The following RARB variants were observed in gnomAD, a reference collection of about 807,000 sequenced individuals.
The protein encoded by RARB is retinoic acid receptor beta, also known as HBV-activated protein.
RARB carries 17 observed loss-of-function variants against 51.9 expected under a neutral mutation model. That is an observed-to-expected ratio of 0.33 (90% CI 0.22 to 0.49). RARB has a LOEUF of 0.49. Among genes scored for constraint, RARB ranks in the 20% least tolerant of loss-of-function variants. The pLI, the probability that RARB is intolerant of heterozygous loss-of-function variation, is 0.99. For synonymous variants in RARB, 215 were observed against 195.4 expected (o/e 1.10, Z -0.84); for missense variants, 369 against 550.8 (o/e 0.67, Z 3.30).
chr3:24,889,675 AGTGTGTGTGTGTGTGTGTGTGT>A (rs71057686), intron 2 of RARB, among the ~76,000 whole-genome samples: 1 of 142,868 alleles, frequency 7.0e-6, no homozygotes, highest in Non-Finnish European at 1.5e-5. Flanking sequence ...CACCTCTTAA[AGTGTGTGTGTGTGTGTGTGTGT>A]GTGTGTGTGT....
intron 2 of RARB, among the ~76,000 whole-genome samples, chr3:24,950,883 C>T (rs1695876249): frequency 6.6e-6 from 1 of 152,152 alleles, no homozygotes; most frequent in Admixed American, 6.5e-5. Context: ...AGAAATGCAA[C>T]TACCTCCACC....
At chr3:25,059,037 C>T (rs1271656419) in intron 2 of RARB, among the ~76,000 whole-genome samples, 2 of 151,476 alleles carry the variant, frequency 1.3e-5, no homozygotes, top group Admixed American at 6.6e-5. Context: ...CTTTCTAACA[C>T]ATGCATAAAT....
chr3:25,263,572 A>G (rs994035265), intron 5 of RARB, among the ~76,000 whole-genome samples: 5 of 152,286 alleles, frequency 3.3e-5, no homozygotes, highest in Admixed American at 2.0e-4. Flanking sequence ...ACTCCATCTG[A>G]GATTTTTCAG....
intron 2 of RARB, among the ~76,000 whole-genome samples, chr3:25,008,272 AT>A (rs901469718): frequency 3.3e-5 from 5 of 151,922 alleles, no homozygotes; most frequent in African/African-American, 1.2e-4. Context: ...ACTCTCTATA[AT>A]TTTTTATCTT....
chr3:24,881,336 T>C (rs536907004), intron 2 of RARB, among the ~76,000 whole-genome samples: 10 of 152,270 alleles, frequency 6.6e-5, no homozygotes, highest in African/African-American at 2.4e-4. Context: ...GAAAGTGAAG[T>C]CTGAGATCAA....
intron 2 of RARB, among the ~76,000 whole-genome samples, chr3:24,927,725 C>T (rs1197501115): frequency 6.6e-6 from 1 of 151,880 alleles, no homozygotes; most frequent in East Asian, 1.9e-4. Flanking sequence ...CTATTTTTTC[C>T]CTCAATATAC....
At chr3:25,472,714 T>A (rs1322587185) in intron 2 of RARB, among the ~76,000 whole-genome samples, 2 of 152,242 alleles carry the variant, frequency 1.3e-5, no homozygotes, top group East Asian at 3.8e-4. Context: ...TATCAAACTA[T>A]CTTTTCAAGG....
chr3:25,409,768 A>G (rs1168003797), intron 5 of RARB, among the ~76,000 whole-genome samples: 1 of 152,124 alleles, frequency 6.6e-6, no homozygotes, highest in Admixed American at 6.5e-5. Context: ...AACTCTCCAC[A>G]TTTCCTTTCC....
chr3:25,283,109 A>C (rs909126684), intron 5 of RARB, among the ~76,000 whole-genome samples: 16 of 152,170 alleles, frequency 1.1e-4, no homozygotes, highest in African/African-American at 3.9e-4. Context: ...ACATTTACCC[A>C]TCTGAGTCTC....
In RARB at chr3:25,234,003, G is replaced by A. The variant is rs76275475; in HGVS notation, c.178+59428G>A. On this transcript the variant is annotated intron_variant, in intron 5 of 11. Coordinates refer to the RARB transcript ENST00000383772. ...GTTGGAGATTTTGAAGGCTATTCAT[G>A]ACAAATAGTGGTCTGCAGCTCTCTT... is the stretch of plus-strand genomic sequence containing the variant. 7.0e-3 allele frequency among the ~76,000 whole-genome samples: 1,067 copies of A among 152,096 alleles called. 8 individuals are homozygous for A. Among genetic ancestry groups the A allele is most frequent in the African/African-American group, 0.023 (973 of 41,512 alleles).
intron 3 of RARB, among the ~76,000 whole-genome samples, chr3:25,504,770 CTT>C (rs61498243): frequency 0.18 from 23,042 of 125,204 alleles, 1,343 homozygotes; most frequent in East Asian, 0.3. Flanking sequence ...ACATTAACCA[CTT>C]TTTTTTTTTT....
intron 1 of RARB, among the ~76,000 whole-genome samples, chr3:25,459,688 G>A (rs772511089): frequency 3.3e-5 from 5 of 152,200 alleles, no homozygotes; most frequent in Non-Finnish European, 7.3e-5. Flanking sequence ...AATAAGTTTA[G>A]TGGGTAGAGT....
At chr3:25,244,732 T>C (rs1384363222) in intron 5 of RARB, among the ~76,000 whole-genome samples, 3 of 152,158 alleles carry the variant, frequency 2.0e-5, no homozygotes, top group Non-Finnish European at 4.4e-5. Flanking sequence ...TTACTTCCAA[T>C]TATGTGGTCG....
intron 1 of RARB, among the ~76,000 whole-genome samples, chr3:25,459,051 C>A (rs530460077): frequency 6.6e-6 from 1 of 151,950 alleles, no homozygotes; most frequent in East Asian, 1.9e-4. Context: ...TTATGAAACT[C>A]AATATTTAGA....
intron 2 of RARB, among the ~76,000 whole-genome samples, chr3:24,883,356 T>TTGTGTG (rs3057218): frequency 0.03 from 4,287 of 143,656 alleles, 65 homozygotes; most frequent in South Asian, 0.054. Flanking sequence ...TCAACAATCA[T>TTGTGTG]TGTGTGTGTG....
At chr3:24,973,788 G>A (rs1243085933) in intron 2 of RARB, among the ~76,000 whole-genome samples, 1 of 151,756 alleles carries the variant, frequency 6.6e-6, no homozygotes, top group Admixed American at 6.6e-5. Context: ...ACTGATTTTT[G>A]TATGTTGCTT....
intron 4 of RARB, among the ~76,000 whole-genome samples, chr3:25,144,043 T>C (rs73048438): frequency 0.017 from 2,585 of 152,318 alleles, 36 homozygotes; most frequent in Non-Finnish European, 0.026. Flanking sequence ...TTTTTTCTTA[T>C]GGGAATCAAT....
chr3:25,206,825 A>G (rs962885049), intron 5 of RARB, among the ~76,000 whole-genome samples: 2 of 152,144 alleles, frequency 1.3e-5, no homozygotes, highest in African/African-American at 4.8e-5. Context: ...TTTCTCATCC[A>G]TGTTCACCAC....
intron 5 of RARB, among the ~76,000 whole-genome samples, chr3:25,223,473 C>T (rs1437830917): frequency 6.6e-6 from 1 of 151,650 alleles, no homozygotes; most frequent in Non-Finnish European, 1.5e-5. Flanking sequence ...GAACAAATGC[C>T]TTCTATTCCA....
Sources: allele counts gnomAD v4.1 joint callset (sites outside exome capture counted in the v4.1 genomes callset), GRCh38; gene constraint gnomAD v4.1.1; transcripts MANE v1.5; gene names NCBI Gene and HGNC (gene_info 2026-07-23, HGNC 2026-07-21).